The following CHODL variants were observed in gnomAD, a reference collection of about 807,000 sequenced individuals.
The protein encoded by CHODL is transmembrane protein MT75.
In CHODL, 29 loss-of-function variants were observed where a neutral mutation model predicts 34.5. That is an observed-to-expected ratio of 0.84 (90% CI 0.63 to 1.15). The LOEUF is 1.15. Ranked by LOEUF, CHODL falls within the 50% of genes most tolerant of loss-of-function variation. The pLI, the probability that CHODL is intolerant of heterozygous loss-of-function variation, is 0.00. For synonymous variants in CHODL, 125 were observed against 116.1 expected (o/e 1.08, Z -0.49); for missense variants, 332 against 332.5 (o/e 1.00, Z 0.01).
At chr21:17,993,685 C>T (rs958714818) in intron 1 of CHODL, among the ~76,000 whole-genome samples, 1 of 152,164 alleles carries the variant, frequency 6.6e-6, no homozygotes, top group Admixed American at 6.5e-5. Flanking sequence ...CATACGTGTG[C>T]ATATGTCTTC....
chr21:18,159,769 C>T (rs1195171655), intron 2 of CHODL, among the ~76,000 whole-genome samples: 1 of 151,952 alleles, frequency 6.6e-6, no homozygotes, highest in African/African-American at 2.4e-5. Flanking sequence ...AAATGGAGCA[C>T]TTTTCCCAGC....
intron 2 of CHODL, among the ~76,000 whole-genome samples, chr21:18,237,081 A>T (rs1393321009): frequency 3.3e-5 from 5 of 152,144 alleles, no homozygotes. Context: ...TGTGGAAATT[A>T]AAAAGTAAGC....
chr21:18,116,215 G>A (rs1170395889), intron 2 of CHODL, among the ~76,000 whole-genome samples: 1 of 152,090 alleles, frequency 6.6e-6, no homozygotes, highest in Non-Finnish European at 1.5e-5. Context: ...TTAAAGCAAA[G>A]TTTTCTCCTG....
intron 2 of CHODL, among the ~76,000 whole-genome samples, chr21:18,053,714 A>T (rs773581345): frequency 2.0e-5 from 3 of 151,900 alleles, no homozygotes; most frequent in Non-Finnish European, 4.4e-5. Context: ...AGTGAGAAGT[A>T]CAAAGAGTTG....
intron 3 of CHODL, among the ~76,000 whole-genome samples, 189 bp downstream of exon 3, chr21:18,257,316 C>T (rs1419022777): frequency 6.6e-6 from 1 of 151,828 alleles, no homozygotes. Context: ...GTCCAATGAG[C>T]TCAAAGAAGA....
intron 2 of CHODL, among the ~76,000 whole-genome samples, chr21:18,149,358 TACAC>T (rs1228016369): frequency 6.6e-6 from 1 of 152,178 alleles, no homozygotes; most frequent in African/African-American, 2.4e-5. Context: ...CCTTGAGAAA[TACAC>T]ACAATTGCTC....
At chr21:18,094,384 C>T (rs1164112075) in intron 2 of CHODL, among the ~76,000 whole-genome samples, 1 of 152,120 alleles carries the variant, frequency 6.6e-6, no homozygotes, top group Non-Finnish European at 1.5e-5. Context: ...ATTTACAGAA[C>T]ATTTTATCCA....
intron 2 of CHODL, among the ~76,000 whole-genome samples, chr21:18,055,193 A>T (rs2064563875): frequency 6.6e-6 from 1 of 151,894 alleles, no homozygotes; most frequent in African/African-American, 2.4e-5. Context: ...TTAGTTGGCA[A>T]ATATGTAACT....
Position 17,971,811 on chromosome 21 carries a change from GCAT to G in CHODL, c.-145+54416_-145+54418del, listed in dbSNP as rs1431867981. 2.0e-5 allele frequency among the ~76,000 whole-genome samples: 3 copies of G among 152,096 alleles called. No individual in the cohort carries two copies. In the East Asian group the frequency reaches 5.8e-4, roughly 29 times the overall value. ...CTCCCCAACACATTTTATGAGGCCA[GCAT>G]CATCCTGATACCAAAACCTGGCAGA... On this transcript the variant is annotated intron_variant, in intron 1 of 6. Coordinates refer to the CHODL transcript ENST00000400127.
chr21:18,087,192 C>A (rs1395054138), intron 2 of CHODL, among the ~76,000 whole-genome samples: 1 of 152,150 alleles, frequency 6.6e-6, no homozygotes, highest in African/African-American at 2.4e-5. Context: ...GAGGGCCCCA[C>A]ACTCAGGTGA....
At chr21:17,966,414 TAGAA>T (rs376853128) in intron 1 of CHODL, among the ~76,000 whole-genome samples, 60 of 152,296 alleles carry the variant, frequency 3.9e-4, no homozygotes, top group Middle Eastern at 3.4e-3. Context: ...TTGTGAAAGA[TAGAA>T]AGAAAAATTG....
intron 2 of CHODL, among the ~76,000 whole-genome samples, chr21:18,082,863 C>T (rs1226187159): frequency 6.8e-6 from 1 of 146,236 alleles, no homozygotes; most frequent in African/African-American, 2.5e-5. Context: ...ACTTACATTT[C>T]AAAAGGAAGC....
chr21:18,019,918 C>T (rs574322829), intron 1 of CHODL, among the ~76,000 whole-genome samples: 10 of 152,102 alleles, frequency 6.6e-5, no homozygotes, highest in East Asian at 1.9e-4. Context: ...TGCTTGGATA[C>T]GGTGTGTGTC....
intron 1 of CHODL, among the ~76,000 whole-genome samples, chr21:17,973,709 C>A (rs973348468): frequency 6.6e-6 from 1 of 151,530 alleles, no homozygotes; most frequent in Non-Finnish European, 1.5e-5. Flanking sequence ...CGTGAGCCAC[C>A]GCGCCCAGAC....
chr21:18,260,426 C>T, intron 4 of CHODL, 140 bp downstream of exon 4: 2 of 530,546 alleles, frequency 3.8e-6, no homozygotes, highest in Non-Finnish European at 6.7e-6. Flanking sequence ...TACTTTTGAA[C>T]TAGGTTAGAA....
chr21:18,175,003 G>T (rs2146667332), intron 2 of CHODL, among the ~76,000 whole-genome samples: 1 of 152,238 alleles, frequency 6.6e-6, no homozygotes, highest in East Asian at 1.9e-4. Context: ...TTCTTTATTT[G>T]TGAAATGCAT....
At chr21:17,961,692 A>G (rs1429946601) in intron 1 of CHODL, among the ~76,000 whole-genome samples, 1 of 152,230 alleles carries the variant, frequency 6.6e-6, no homozygotes, top group Non-Finnish European at 1.5e-5. Flanking sequence ...GGCTGCAAAC[A>G]AATCCTTTAA....
At chr21:18,094,063 A>G (rs2065108301) in intron 2 of CHODL, among the ~76,000 whole-genome samples, 1 of 152,146 alleles carries the variant, frequency 6.6e-6, no homozygotes, top group Non-Finnish European at 1.5e-5. Flanking sequence ...AAAAAAAGCA[A>G]TAGTGTTATA....
intron 1 of CHODL, among the ~76,000 whole-genome samples, chr21:18,011,652 G>T (rs2064020986): frequency 6.6e-6 from 1 of 152,180 alleles, no homozygotes; most frequent in Non-Finnish European, 1.5e-5. Context: ...CTCTCAAGCT[G>T]AAGTTTAGTC....
Sources: gnomAD v4.1 joint callset for allele counts (sites outside exome capture counted in the v4.1 genomes callset) on GRCh38, gnomAD v4.1.1 for gene constraint, MANE v1.5 for transcripts, NCBI Gene and HGNC (gene_info 2026-07-23, HGNC 2026-07-21) for gene names.